Variants in WNT7A observed in about 807,000 individuals in gnomAD.
The protein encoded by WNT7A is Wnt family member 7A.
Under a neutral mutation model 28.2 loss-of-function variants are expected in WNT7A, and 16 were observed. The observed-to-expected ratio is 0.57, with a 90% confidence interval of 0.38 to 0.86. WNT7A has a LOEUF of 0.86. Ranked by LOEUF, WNT7A falls within the 40% of genes least tolerant of loss-of-function variation. WNT7A has a pLI of 0.00. For missense variants in WNT7A, 411 were observed against 489.7 expected (o/e 0.84, Z 1.52); for synonymous variants, 190 against 195.9 (o/e 0.97, Z 0.25).
intron 3 of WNT7A, among the ~76,000 whole-genome samples, chr3:13,838,516 C>A (rs1391511907): frequency 6.6e-6 from 1 of 152,190 alleles, no homozygotes; most frequent in Admixed American, 6.5e-5. Flanking sequence ...GGTCCTTCAA[C>A]AAGAAAATCA....
chr3:13,874,168 G>C (rs1695067153), intron 2 of WNT7A, among the ~76,000 whole-genome samples: 1 of 152,154 alleles, frequency 6.6e-6, no homozygotes, highest in African/African-American at 2.4e-5. Flanking sequence ...GGCTTTCAGG[G>C]AAGTTCACAG....
chr3:13,863,348 T>A (rs1233565185), intron 2 of WNT7A, among the ~76,000 whole-genome samples: 1 of 152,216 alleles, frequency 6.6e-6, no homozygotes, highest in African/African-American at 2.4e-5. Flanking sequence ...ATTATTTATC[T>A]GTGAAGCCTC....
In WNT7A at chr3:13,872,629, A is replaced by G. The variant is rs149065039; in HGVS notation, c.298+2318T>C. 2.2e-4 allele frequency among the ~76,000 whole-genome samples: 33 copies of G among 152,240 alleles called. No individual in the cohort carries two copies. In the East Asian group the frequency reaches 6.2e-3, roughly 29 times the overall value. On this transcript the variant is annotated intron_variant, in intron 2 of 3. Coordinates refer to ENST00000285018, the MANE Select transcript of WNT7A (RefSeq NM_004625.4). Reference sequence around the variant, plus strand: ...GCCACCTCTGCCTGCCAAGCCCACTAGAATGCCTCTTGCCACTGGCCTCTG... The same window carrying G: ...GCCACCTCTGCCTGCCAAGCCCACTGGAATGCCTCTTGCCACTGGCCTCTG...
chr3:13,835,442 A>T (rs137864030), intron 3 of WNT7A, among the ~76,000 whole-genome samples: 122 of 152,394 alleles, frequency 8.0e-4, no homozygotes, highest in African/African-American at 2.8e-3. Flanking sequence ...TAAATCAGCT[A>T]CAAACTGTGC....
At position 13,818,351 on chromosome 3, in the gene WNT7A, C is replaced by CGAAAAAAAAA. The variant is rs575789769; in HGVS notation, c.*592_*593insTTTTTTTTTC. On this transcript the variant is annotated 3_prime_UTR_variant, in exon 4 of 4. Coordinates refer to ENST00000285018, the MANE Select transcript of WNT7A (RefSeq NM_004625.4). ...TTTCTGGATAAGTAGCAGCAAACAG[C>CGAAAAAAAAA]AAAAAAAAAAAAAAAAATGTGTGTG... 1.3e-5 allele frequency: 1 copy of CGAAAAAAAAA among 79,952 alleles called. No individual in the cohort carries two copies. The highest frequency in any genetic ancestry group is 5.0e-4 in the East Asian group (1 of 2,020). The allele number at this position is 79,952 out of a possible 1,614,324, so 5.0% of individuals were successfully genotyped here. A position where few individuals can be genotyped will look rare whatever the true frequency, so the allele number is the denominator to read the frequency against.
chr3:13,831,219 G>T (rs1017955568), intron 3 of WNT7A, among the ~76,000 whole-genome samples: 1 of 152,164 alleles, frequency 6.6e-6, no homozygotes, highest in Non-Finnish European at 1.5e-5. Context: ...AGCGGCACAA[G>T]GGCAGGATCC....
At chr3:13,870,309 A>G (rs529388616) in intron 2 of WNT7A, among the ~76,000 whole-genome samples, 4 of 152,318 alleles carry the variant, frequency 2.6e-5, no homozygotes, top group African/African-American at 9.6e-5. Context: ...AGGACACAAG[A>G]GATTCCTGGG....
chr3:13,841,676 G>T (rs915733130), intron 3 of WNT7A, among the ~76,000 whole-genome samples: 1 of 152,236 alleles, frequency 6.6e-6, no homozygotes, highest in African/African-American at 2.4e-5. Context: ...GGGAAAAGGT[G>T]GGAGGGAAGC....
intron 3 of WNT7A, among the ~76,000 whole-genome samples, chr3:13,851,931 A>C (rs1470480201): frequency 6.6e-6 from 1 of 152,242 alleles, no homozygotes; most frequent in Non-Finnish European, 1.5e-5. Flanking sequence ...CCTCGCCAAA[A>C]GATATTGGCA....
intron 2 of WNT7A, among the ~76,000 whole-genome samples, chr3:13,868,608 AAGAGAGAGAGAG>A (rs370756818): frequency 0.045 from 496 of 10,944 alleles, 93 homozygotes; most frequent in Middle Eastern, 0.062. Flanking sequence ...GAAAGAAAGA[AAGAGAGAGAGAG>A]AGAAAGAAAG....
At chr3:13,819,614 C>T (rs928640473) in intron 3 of WNT7A, among the ~76,000 whole-genome samples, 191 bp from the exon 4 acceptor site, 1 of 152,056 alleles carries the variant, frequency 6.6e-6, no homozygotes, top group Admixed American at 6.5e-5. Context: ...CTGTGCAAGC[C>T]ACTTCAGCCC....
rs1553576646 is a variant in WNT7A, at chr3:13,868,487, C to CGAAAGAAA, written c.298+6452_298+6459dup. On this transcript the variant is annotated intron_variant, in intron 2 of 3. Coordinates refer to ENST00000285018, the MANE Select transcript of WNT7A (RefSeq NM_004625.4). ...GAGACCCTGTCAGAAAAGGAAAGAA[C>CGAAAGAAA]GAAAGAAAGAAAGAAAGAAAGAGAG... 6.5e-3 allele frequency among the ~76,000 whole-genome samples: 714 copies of CGAAAGAAA among 109,568 alleles called. 2 individuals are homozygous for CGAAAGAAA. Among genetic ancestry groups the CGAAAGAAA allele is most frequent in the African/African-American group, 0.023 (683 of 29,592 alleles). 71.9% of individuals were successfully genotyped at this position (109,568 alleles called of 152,430 possible). A position where few individuals can be genotyped will look rare whatever the true frequency, so the allele number is the denominator to read the frequency against.
At chr3:13,840,979 A>T (rs748132829) in intron 3 of WNT7A, among the ~76,000 whole-genome samples, 2 of 152,026 alleles carry the variant, frequency 1.3e-5, no homozygotes, top group Non-Finnish European at 2.9e-5. Flanking sequence ...GCAGTAATTC[A>T]CTCTTCTCCT....
intron 1 of WNT7A, among the ~76,000 whole-genome samples, chr3:13,876,222 C>T (rs1207468902): frequency 6.6e-6 from 1 of 152,126 alleles, no homozygotes; most frequent in African/African-American, 2.4e-5. Context: ...ACAGAAAATG[C>T]AAAGTTCTAG....
intron 3 of WNT7A, among the ~76,000 whole-genome samples, chr3:13,827,527 C>A (rs1040458542): frequency 1.3e-5 from 2 of 152,122 alleles, no homozygotes; most frequent in African/African-American, 4.8e-5. Flanking sequence ...AAACTTGGCT[C>A]CAGAAAATTC....
chr3:13,825,934 C>A (rs1397626133), intron 3 of WNT7A, among the ~76,000 whole-genome samples: 3 of 152,202 alleles, frequency 2.0e-5, no homozygotes, highest in African/African-American at 7.2e-5. Flanking sequence ...TCCAGAGAAC[C>A]CCACCGGCCA....
Position 13,857,398 on chromosome 3 carries a change from C to T in WNT7A, c.299-2595G>A, listed in dbSNP as rs529383648. 1.8e-4 allele frequency among the ~76,000 whole-genome samples: 28 copies of T among 152,218 alleles called. No individual in the cohort carries two copies. The Middle Eastern group carries it at 0.014, about 74-fold the overall frequency. ...ATGGATAGATCCTCGGGCAAAGAAA[C>T]GGCAGACAGACAGGAAAAGTCTGCA... On this transcript the variant is annotated intron_variant, in intron 2 of 3. Coordinates refer to ENST00000285018, the MANE Select transcript of WNT7A (RefSeq NM_004625.4).
chr3:13,866,481 G>C (rs1020768873), intron 2 of WNT7A, among the ~76,000 whole-genome samples: 7 of 152,238 alleles, frequency 4.6e-5, no homozygotes, highest in Non-Finnish European at 8.8e-5. Context: ...GCAAGTTACA[G>C]AGAATACATC....
At chr3:13,864,953 A>G (rs1694887793) in intron 2 of WNT7A, among the ~76,000 whole-genome samples, 1 of 152,238 alleles carries the variant, frequency 6.6e-6, no homozygotes, top group East Asian at 1.9e-4. Context: ...CAATGTCCGA[A>G]GCGAGGATGT....
Sources: gnomAD v4.1 joint callset for allele counts (sites outside exome capture counted in the v4.1 genomes callset) on GRCh38, gnomAD v4.1.1 for gene constraint, MANE v1.5 for transcripts, NCBI Gene and HGNC (gene_info 2026-07-23, HGNC 2026-07-21) for gene names.